Variants in BRINP1 observed in about 807,000 individuals in gnomAD.
BRINP1 encodes the protein BMP/retinoic acid-inducible neural-specific protein 1.
In BRINP1, 17 loss-of-function variants were observed where a neutral mutation model predicts 72.9. The ratio of observed to expected loss-of-function variants is 0.23; its 90% CI spans 0.16 to 0.35. The LOEUF (loss-of-function observed/expected upper bound fraction) is 0.35, where lower values mean the gene tolerates loss of function less well. BRINP1 is among the 10% of genes least tolerant of loss of function. The probability of loss-of-function intolerance (pLI) is 1.00; values close to 1 mark genes in which losing one functional copy is unlikely to be tolerated. For synonymous variants in BRINP1, 418 were observed against 378.5 expected (o/e 1.10, Z -1.21); for missense variants, 850 against 1,001.6 (o/e 0.85, Z 2.04).
intron 5 of BRINP1, among the ~76,000 whole-genome samples, chr9:119,236,021 T>C (rs917281074): frequency 6.6e-5 from 10 of 152,234 alleles, no homozygotes; most frequent in African/African-American, 2.2e-4. Context: ...TCCTTGTAAC[T>C]TCTCCCTTCC....
intron 2 of BRINP1, among the ~76,000 whole-genome samples, chr9:119,253,768 G>T (rs561885017): frequency 1.3e-5 from 2 of 152,228 alleles, no homozygotes; most frequent in Non-Finnish European, 2.9e-5. Flanking sequence ...AGGGATGTGT[G>T]TGTCTGTGTG....
chr9:119,177,240 A>G lies in BRINP1; in HGVS notation c.1146-9016T>C, dbSNP rs182097533. On this transcript the variant is annotated intron_variant, in intron 7 of 7. Transcript: ENST00000265922. ...TTCGTTTTCCGTACCATCCACCCAC[A>G]CAGCTCCAGGCCTCCCCAGTTTCTG... 1.2e-3 allele frequency among the ~76,000 whole-genome samples: 178 copies of G among 152,210 alleles called. 1 individual carries two copies. The highest frequency in any genetic ancestry group is 1.3e-4 in the Non-Finnish European group (9 of 68,008).
intron 3 of BRINP1, among the ~76,000 whole-genome samples, chr9:119,245,374 T>G (rs1459468387): frequency 6.6e-6 from 1 of 152,222 alleles, no homozygotes; most frequent in Non-Finnish European, 1.5e-5. Context: ...TTTACACAGA[T>G]GTACTTCCAT....
chr9:119,333,433 A>C (rs900267708), intron 1 of BRINP1, among the ~76,000 whole-genome samples: 3 of 150,252 alleles, frequency 2.0e-5, no homozygotes, highest in Admixed American at 6.7e-5. Flanking sequence ...ACTGCACTTC[A>C]ACCTGGGTGA....
intron 7 of BRINP1, among the ~76,000 whole-genome samples, chr9:119,190,193 C>T (rs1460676403): frequency 6.6e-6 from 1 of 151,478 alleles, no homozygotes; most frequent in South Asian, 2.1e-4. Context: ...GGGAGGCTTA[C>T]AGCAATAAAT....
intron 5 of BRINP1, among the ~76,000 whole-genome samples, chr9:119,223,183 T>C (rs1830058142): frequency 6.6e-6 from 1 of 152,102 alleles, no homozygotes; most frequent in Non-Finnish European, 1.5e-5. Context: ...TCAAAGCTTC[T>C]TTCATAAAGC....
intron 2 of BRINP1, among the ~76,000 whole-genome samples, chr9:119,291,529 T>C (rs1298325923): frequency 2.0e-5 from 3 of 152,142 alleles, no homozygotes; most frequent in Non-Finnish European, 4.4e-5. Context: ...CCACCACCAA[T>C]TTTCTCTCTG....
chr9:119,315,656 G>A (rs888445138), intron 1 of BRINP1, among the ~76,000 whole-genome samples: 1 of 152,184 alleles, frequency 6.6e-6, no homozygotes. Flanking sequence ...GGCAAGATAG[G>A]CTGGAAGCTA....
chr9:119,281,490 G>A (rs1313049566), intron 2 of BRINP1, among the ~76,000 whole-genome samples: 1 of 152,160 alleles, frequency 6.6e-6, no homozygotes, highest in African/African-American at 2.4e-5. Context: ...GAGAAGAAGG[G>A]AGGAGCAGGG....
At chr9:119,258,608 A>C (rs2118931546) in intron 2 of BRINP1, among the ~76,000 whole-genome samples, 1 of 152,270 alleles carries the variant, frequency 6.6e-6, no homozygotes, top group South Asian at 2.1e-4. Context: ...AGATGAGAAA[A>C]CTGAGGCCCA....
rs555189179 is a variant in BRINP1, at chr9:119,275,127, G to C, written c.219-25977C>G. Among the ~76,000 whole-genome samples the C allele has an allele frequency of 3.3e-5, 5 of 151,780 alleles. No individual in the cohort carries two copies. The East Asian group carries it at 9.7e-4, about 29-fold the overall frequency. ...CTAGACTTTGGGTACCTGACCCATT[G>C]AGTTACTTGATTCCCAGTGGTTGGA... On this transcript the variant is annotated intron_variant, in intron 2 of 7. Transcript: ENST00000265922.
chr9:119,318,357 A>T (rs1831147662), intron 1 of BRINP1, among the ~76,000 whole-genome samples: 2 of 152,182 alleles, frequency 1.3e-5, no homozygotes, highest in Admixed American at 1.3e-4. Context: ...TTAAAAGAGA[A>T]ATGTGATTTA....
chr9:119,318,246 C>T (rs759270923), intron 1 of BRINP1, among the ~76,000 whole-genome samples: 1 of 152,200 alleles, frequency 6.6e-6, no homozygotes, highest in African/African-American at 2.4e-5. Context: ...AATTTGTCAA[C>T]TGTAAACCCA....
At chr9:119,320,449 C>T (rs1049441171) in intron 1 of BRINP1, among the ~76,000 whole-genome samples, 12 of 152,134 alleles carry the variant, frequency 7.9e-5, no homozygotes, top group African/African-American at 2.9e-4. Flanking sequence ...GACAGAACAG[C>T]CAGGGCCCTC....
chr9:119,186,095 C>A (rs776439574), intron 7 of BRINP1, among the ~76,000 whole-genome samples: 1 of 152,160 alleles, frequency 6.6e-6, no homozygotes, highest in African/African-American at 2.4e-5. Context: ...CTGCTCCTGG[C>A]ACCTGAGCCC....
chr9:119,361,790 T>G (rs973203548), intron 1 of BRINP1, among the ~76,000 whole-genome samples: 1 of 144,120 alleles, frequency 6.9e-6, no homozygotes, highest in African/African-American at 2.5e-5. Context: ...CCAGCTACAG[T>G]TTTTGCATTT....
At chr9:119,231,873 T>TC (rs1428065295) in intron 5 of BRINP1, among the ~76,000 whole-genome samples, 2 of 152,070 alleles carry the variant, frequency 1.3e-5, no homozygotes, top group African/African-American at 4.8e-5. Flanking sequence ...AATTTTTTTT[T>TC]CTCTATCTAC....
At chr9:119,304,426 A>T (rs897495512) in intron 2 of BRINP1, among the ~76,000 whole-genome samples, 2 of 152,156 alleles carry the variant, frequency 1.3e-5, no homozygotes, top group South Asian at 4.1e-4. Flanking sequence ...AGCTTCCATC[A>T]AGGTGAGCGG....
At chr9:119,303,105 A>G (rs933863779) in intron 2 of BRINP1, among the ~76,000 whole-genome samples, 1 of 152,118 alleles carries the variant, frequency 6.6e-6, no homozygotes, top group African/African-American at 2.4e-5. Flanking sequence ...TTCTCATACA[A>G]AGCACACTCC....
Sources: allele counts gnomAD v4.1 joint callset (sites outside exome capture counted in the v4.1 genomes callset), GRCh38; gene constraint gnomAD v4.1.1; transcripts MANE v1.5; gene names NCBI Gene and HGNC (gene_info 2026-07-23, HGNC 2026-07-21).